RPE: variants seen among roughly 807,000 people sequenced by gnomAD.
RPE encodes the protein ribulose-5-phosphate-3-epimerase, also known as ribulose-phosphate 3-epimerase.
RPE carries 16 observed loss-of-function variants against 24.6 expected under a neutral mutation model. The observed-to-expected ratio is 0.65, with a 90% CI of 0.44 to 0.99. The LOEUF (loss-of-function observed/expected upper bound fraction) is 0.99. Ranked by LOEUF, RPE falls within the 50% of genes least tolerant of loss-of-function variation. The pLI is 0.00. For synonymous variants in RPE, 93 were observed against 98.4 expected, an observed-to-expected ratio of 0.94 and a Z score of 0.33; for missense variants, 240 against 294.5, an observed-to-expected ratio of 0.81 and a Z score of 1.35.
chr2:210,014,712 ACTTT>A (rs1193943375), intron 2 of RPE, among the ~76,000 whole-genome samples: 3 of 141,550 alleles, frequency 2.1e-5, no homozygotes. Flanking sequence ...CAAGCTTTAT[ACTTT>A]CTTTTTCTGA....
Position 210,002,894 on chromosome 2 carries a change from C to T in RPE, c.122+111C>T, listed in dbSNP as rs897325981. On this transcript the variant is annotated intron_variant, in intron 1 of 5. Transcript: ENST00000359429. Reference sequence around the variant, plus strand: ...TCCCTGTACCACCGAGCGCCTCACTCTGAACGCGATGCTAGAAGGGGTGTG... The same window carrying T: ...TCCCTGTACCACCGAGCGCCTCACTTTGAACGCGATGCTAGAAGGGGTGTG... 123 of 1,587,156 alleles carry T rather than the reference C, an allele frequency of 7.7e-5. 1 individual carries two copies. The Admixed American group carries it at 2.1e-3, about 28-fold the overall frequency.
intron 5 of RPE, among the ~76,000 whole-genome samples, chr2:210,019,160 G>C (rs2093821425): frequency 6.6e-6 from 1 of 152,126 alleles, no homozygotes; most frequent in South Asian, 2.1e-4. Flanking sequence ...GAAATGCAAT[G>C]AAGTATAAAG....
chr2:210,004,447 T>C lies in RPE; in HGVS notation c.122+1664T>C, dbSNP rs1400089386. ...ACAGAGAGGTTAAGTCATCTGCCAG[T>C]GGTCTCATAACTAGGAAATGGTGGA... On this transcript the variant is annotated intron_variant, in intron 1 of 5. Transcript: ENST00000359429. Among the ~76,000 whole-genome samples the C allele has an allele frequency of 2.6e-5, 4 of 152,202 alleles. No individual in the cohort carries two copies. In the East Asian group the frequency reaches 5.8e-4, roughly 22 times the overall value.
chr2:210,012,782 T>G (rs1221616530), intron 2 of RPE, among the ~76,000 whole-genome samples: 1 of 152,250 alleles, frequency 6.6e-6, no homozygotes, highest in Non-Finnish European at 1.5e-5. Context: ...CTTGTGTATC[T>G]TACCACTCTG....
In RPE at chr2:210,021,612, A is replaced by G. The variant is rs1013901581; in HGVS notation, c.*1821A>G. On this transcript the variant is annotated 3_prime_UTR_variant, in exon 6 of 6. Coordinates refer to ENST00000359429, the MANE Select transcript of RPE (RefSeq NM_199229.3). ...ATTGAATTGAATTTTTTACCCCTTA[A>G]AAGGACTAGTATAATTTCCAATCTC... is the stretch of plus-strand genomic sequence containing the variant. 2.6e-5 allele frequency: 4 copies of G among 152,496 alleles called. No individual in the cohort carries two copies. The highest frequency in any genetic ancestry group is 9.7e-5 in the African/African-American group (4 of 41,432). 9.4% of individuals were successfully genotyped at this position (152,496 alleles called of 1,614,324 possible).
At chr2:210,003,412 G>C (rs766154187) in intron 1 of RPE, 3 of 1,275,394 alleles carry the variant, frequency 2.4e-6, no homozygotes, top group Admixed American at 2.3e-5. Context: ...TTACAATTCT[G>C]ATTTTCCTGT....
Position 210,019,988 on chromosome 2 carries a change from C to T in RPE, c.*197C>T. 3.8e-6 allele frequency: 2 copies of T among 525,634 alleles called. No individual in the cohort carries two copies. The highest frequency in any genetic ancestry group is 3.7e-5 in the South Asian group (1 of 26,778). The allele number at this position is 525,634 out of a possible 1,614,324, so 32.6% of individuals were successfully genotyped here. The stretch of plus-strand genomic sequence containing the variant: ...GTGTATAACTACATTTTTAGTGATG[C>T]AATTTATTGATTAGTGAGTAAGATA... On this transcript the variant is annotated 3_prime_UTR_variant, in exon 6 of 6. Transcript: ENST00000359429.
chr2:210,016,219 C>A lies in RPE; in HGVS notation c.342+107C>A, dbSNP rs77647855. The A allele has an allele frequency of 2.2e-3, 3,584 of 1,613,906 alleles. 52 individuals carry two copies. The African/African-American group carries it at 0.036, about 16-fold the overall frequency. On this transcript the variant is annotated intron_variant, in intron 3 of 5. Coordinates refer to ENST00000359429, the MANE Select transcript of RPE (RefSeq NM_199229.3). Reference sequence around the variant, plus strand: ...TTTGATACAGTCTTGCTCTGTCACCCAGGCTGAAGTGCAGTGGCACAGTCA... The same window carrying A: ...TTTGATACAGTCTTGCTCTGTCACCAAGGCTGAAGTGCAGTGGCACAGTCA...
chr2:210,016,301 C>T, intron 3 of RPE, 189 bp downstream of exon 3: 1 of 1,603,108 alleles, frequency 6.2e-7, no homozygotes, highest in Non-Finnish European at 8.5e-7. Context: ...AGCTATGATG[C>T]CAGGATTTAA....
At chr2:210,009,250 T>G (rs1054465692) in intron 1 of RPE, among the ~76,000 whole-genome samples, 2 of 152,180 alleles carry the variant, frequency 1.3e-5, no homozygotes, top group African/African-American at 4.8e-5. Flanking sequence ...TAGTGCCTTG[T>G]GATAGAAGTG....
chr2:210,015,736 A>G (rs527274767), intron 2 of RPE, among the ~76,000 whole-genome samples: 1 of 152,304 alleles, frequency 6.6e-6, no homozygotes, highest in Admixed American at 6.5e-5. Flanking sequence ...AACTTTTTAT[A>G]TACAGCACTG....
At chr2:210,007,328 C>A (rs7609345) in intron 1 of RPE, among the ~76,000 whole-genome samples, 14,704 of 152,286 alleles carry the variant, frequency 0.097, 811 homozygotes, top group Middle Eastern at 0.15. Context: ...AATCATTTAA[C>A]AGATCCAATC....
rs2093841358 is a variant in RPE, at chr2:210,020,427, G to A, written c.*636G>A. The A allele has an allele frequency of 6.0e-6, 1 of 166,926 alleles. No homozygotes were observed. The highest frequency in any genetic ancestry group is 1.9e-4 in the East Asian group (1 of 5,202). The allele number at this position is 166,926 out of a possible 1,614,324, so 10.3% of individuals were successfully genotyped here. A position where few individuals can be genotyped will look rare whatever the true frequency, so the allele number is the denominator to read the frequency against. On this transcript the variant is annotated 3_prime_UTR_variant, in exon 6 of 6. Coordinates refer to ENST00000359429, the MANE Select transcript of RPE (RefSeq NM_199229.3). ...ATTCCTCCCCACCATTCTTAAGAACGTTAAATAATGCTGTTGTGTTAGCTC... is the reference window on the plus strand; with the variant it reads ...ATTCCTCCCCACCATTCTTAAGAACATTAAATAATGCTGTTGTGTTAGCTC...
At chr2:210,018,940 A>G (rs957676327) in intron 5 of RPE, among the ~76,000 whole-genome samples, 1 of 152,162 alleles carries the variant, frequency 6.6e-6, no homozygotes, top group African/African-American at 2.4e-5. Flanking sequence ...CTGTCTGGAA[A>G]AATTTTCCTC....
chr2:210,017,427 ACATAC>A, intron 4 of RPE, 41 bp from the exon 5 acceptor site: 1 of 1,020,630 alleles, frequency 9.8e-7, no homozygotes, highest in Non-Finnish European at 1.4e-6. Context: ...ACCCCCACCA[ACATAC>A]CCACTTTAGG....
chr2:210,009,712 C>T lies in RPE; in HGVS notation c.178C>T (p.Gln60Ter), dbSNP rs760045848. 6.2e-7 allele frequency: 1 copy of T among 1,614,164 alleles called. No individual in the cohort carries two copies. Among genetic ancestry groups the T allele is most frequent in the Non-Finnish European group, 8.5e-7 (1 of 1,180,004 alleles). Residue 60 changes from glutamine to a stop codon, truncating the protein, a stop_gained, in exon 2 of 6, where the codon CAG (glutamine) becomes TAG (stop). Coordinates refer to ENST00000359429, the MANE Select transcript of RPE (RefSeq NM_199229.3). LOFTEE classifies it high-confidence loss of function. ...GHPVVESLRK[Q>*]LGQDPFFDMH... The stretch of plus-strand genomic sequence containing the variant: ...CCCTGTGGTAGAAAGCCTTCGAAAG[C>T]AGCTAGGCCAGGACCCTTTCTTTGG...
intron 1 of RPE, among the ~76,000 whole-genome samples, chr2:210,004,703 A>G (rs1018232149): frequency 1.1e-4 from 14 of 125,842 alleles, no homozygotes; most frequent in Non-Finnish European, 2.2e-4. Flanking sequence ...TTGCTCACCT[A>G]TATATTCTTT....
At chr2:210,016,439 G>C (rs2093773356) in intron 3 of RPE, 68 bp from the exon 4 acceptor site, 1 of 1,605,666 alleles carries the variant, frequency 6.2e-7, no homozygotes, top group Admixed American at 1.7e-5. Flanking sequence ...TACTGGGCCT[G>C]CTATGCCACA....
At chr2:210,009,532 A>T in intron 1 of RPE, 125 bp from the exon 2 acceptor site, 1 of 1,296,714 alleles carries the variant, frequency 7.7e-7, no homozygotes, top group South Asian at 1.2e-5. Flanking sequence ...TTTAATACTG[A>T]TGATTAAGTA....
Sources: gnomAD v4.1 joint callset for allele counts (sites outside exome capture counted in the v4.1 genomes callset) on GRCh38, gnomAD v4.1.1 for gene constraint, MANE v1.5 for transcripts, NCBI Gene and HGNC (gene_info 2026-07-23, HGNC 2026-07-21) for gene names.